The following EPS8 variants were observed in gnomAD, a reference collection of about 807,000 sequenced individuals.
EPS8 encodes the protein EGFR pathway substrate 8, signaling adaptor, also known as epidermal growth factor receptor kinase substrate 8.
EPS8 carries 42 observed loss-of-function variants against 103.8 expected under a neutral mutation model. The ratio of observed to expected loss-of-function variants is 0.40; its 90% CI spans 0.32 to 0.52. The LOEUF (loss-of-function observed/expected upper bound fraction) is 0.52, where lower values mean the gene tolerates loss of function less well. Ranked by LOEUF, EPS8 falls within the 20% of genes least tolerant of loss-of-function variation. EPS8 has a pLI of 0.40. For synonymous variants in EPS8, 344 were observed against 344.6 expected (o/e 1.00, Z 0.02); for missense variants, 969 against 1,005.1 (o/e 0.96, Z 0.49).
rs529630170 is a variant in EPS8 at position 15,745,791 on chromosome 12, T to G, written c.-22+43370A>C. On this transcript the variant is annotated intron_variant, in intron 1 of 20. Transcript: ENST00000281172. This position sits in a 1 kb window ranked among gnomAD's most constrained non-coding sequence, Gnocchi z 4.6. ...TTTTAGTAGAAACATCAAGAGCTAT[T>G]ATATGTGGTTTCCCAGTACATGTAA... Among the ~76,000 whole-genome samples, 24 of 152,256 alleles carry G rather than the reference T, an allele frequency of 1.6e-4. No individual in the cohort carries two copies. The highest frequency in any genetic ancestry group is 5.5e-4 in the African/African-American group (23 of 41,568).
chr12:15,752,514 T>A lies in EPS8; in HGVS notation c.-22+36647A>T, dbSNP rs752823218. ...AAAGAGCTGGCCCCTCTAGCCTAAG[T>A]TGAGCCTTTTAGCAGGAGTGAAATA... On this transcript the variant is annotated intron_variant, in intron 1 of 20. Coordinates refer to ENST00000281172, the MANE Select transcript of EPS8 (RefSeq NM_004447.6). This position sits in a 1 kb window ranked among gnomAD's most constrained non-coding sequence, Gnocchi z 4.4. Among the ~76,000 whole-genome samples, 1 of 151,782 alleles carries A rather than the reference T, an allele frequency of 6.6e-6. No homozygotes were observed. Among genetic ancestry groups the A allele is most frequent in the Non-Finnish European group, 1.5e-5 (1 of 67,948 alleles).
intron 8 of EPS8, chr12:15,665,219 AAAAAAT>A (rs1383979664): frequency 6.6e-6 from 1 of 152,242 alleles, no homozygotes; most frequent in Admixed American, 6.5e-5. Flanking sequence ...CTTAGCATTA[AAAAAAT>A]AAAAAGACTC....
At chr12:15,653,998 C>T in intron 13 of EPS8, 147 bp downstream of exon 13, 1 of 697,320 alleles carries the variant, frequency 1.4e-6, no homozygotes, top group East Asian at 2.7e-5. Context: ...CTATCTCTTC[C>T]ACTAGACTTC....
chr12:15,763,519 C>A lies in EPS8; in HGVS notation c.-22+25642G>T, dbSNP rs11056637. ...GAGAGTTGACAGCAAGGCAATTTAC[C>A]ATCCTGCACCAGTGACTGTGCCAGC... is the stretch of plus-strand genomic sequence containing the variant. On this transcript the variant is annotated intron_variant, in intron 1 of 20. Transcript: ENST00000281172. Among the ~76,000 whole-genome samples, 171 of 152,228 alleles carry A rather than the reference C, an allele frequency of 1.1e-3. 2 individuals carry two copies. The East Asian group carries it at 0.031, about 27-fold the overall frequency.
chr12:15,662,548 T>G (rs1411855943), intron 8 of EPS8: 3 of 986,162 alleles, frequency 3.0e-6, no homozygotes, highest in African/African-American at 1.7e-5. Flanking sequence ...TTCGGAGTTC[T>G]GACAGCAGAG....
rs1184186481 is a variant in EPS8, at chr12:15,620,203, G to A, written c.*1114C>T. The A allele has an allele frequency of 2.6e-5, 4 of 152,564 alleles. No homozygotes were observed. The highest frequency in any genetic ancestry group is 9.7e-5 in the African/African-American group (4 of 41,438). 9.5% of individuals were successfully genotyped at this position (152,564 alleles called of 1,614,324 possible). On this transcript the variant is annotated 3_prime_UTR_variant, in exon 21 of 21. Transcript: ENST00000281172. ...ACTGTTTATTGCAGACTTTCCAGCT[G>A]ACTCATGTGAAAAAGGCACTATGAA...
rs764485109 is a variant in EPS8, at chr12:15,669,759, A to C, written c.271T>G (p.Leu91Val). Reference sequence around the variant, plus strand: ...TTGCCCTTGGCATCAAGCAATTTCAATTTCCTTATTCCATCATCAACAGTG... The same window carrying C: ...TTGCCCTTGGCATCAAGCAATTTCACTTTCCTTATTCCATCATCAACAGTG... ...MITVDDGIRK[L>V]KLLDAKGKVW... is the part of the protein sequence containing the mutation. The change falls in exon 5 of 21, where the codon TTG (leucine) becomes GTG (valine). Residue 91 changes from leucine (L) to valine (V), a missense_variant. Physicochemically the swap from Leu to Val is conservative, Grantham distance 32. Transcript: ENST00000281172. The C allele has an allele frequency of 3.1e-6, 5 of 1,613,782 alleles. No homozygotes were observed. The highest frequency in any genetic ancestry group is 3.4e-6 in the Non-Finnish European group (4 of 1,179,848).
intron 1 of EPS8, among the ~76,000 whole-genome samples, chr12:15,739,377 CT>C (rs926879889): frequency 1.3e-5 from 2 of 152,090 alleles, no homozygotes; most frequent in African/African-American, 4.8e-5. Context: ...TAAAACATTA[CT>C]TCTGGGTGTA....
rs180902369 is a variant in EPS8, at chr12:15,761,009, T to C, written c.-22+28152A>G. On this transcript the variant is annotated intron_variant, in intron 1 of 20. Transcript: ENST00000281172. The surrounding 1 kb of genome is among the most constrained non-coding windows in gnomAD (Gnocchi z 4.5). ...TGGAAAAGAAAAACCCAAATTATCC[T>C]TGTCTGCAGATGATATGATCTTATA... Among the ~76,000 whole-genome samples, 86 of 152,154 alleles carry C rather than the reference T, an allele frequency of 5.7e-4. No individual in the cohort carries two copies. The highest frequency in any genetic ancestry group is 8.7e-4 in the Non-Finnish European group (59 of 67,954).
intron 15 of EPS8, 22 bp downstream of exon 15, chr12:15,647,105 A>G (rs1358776181): frequency 1.2e-6 from 2 of 1,607,916 alleles, no homozygotes; most frequent in Admixed American, 1.7e-5. Flanking sequence ...CAGCTCTCCA[A>G]AGGGTGCCCA....
rs1314762275 is a variant in EPS8, at chr12:15,716,348, T to C, written c.-21-33376A>G. Reference sequence around the variant, plus strand: ...TATCAGTAAAGATGATAATGAAGTCTTATGAAAGGCTAATCTGGCACAGAC... The same window carrying C: ...TATCAGTAAAGATGATAATGAAGTCCTATGAAAGGCTAATCTGGCACAGAC... On this transcript the variant is annotated intron_variant, in intron 1 of 20. Transcript: ENST00000281172. This position sits in a 1 kb window ranked among gnomAD's most constrained non-coding sequence, Gnocchi z 5.0. Among the ~76,000 whole-genome samples the C allele has an allele frequency of 6.6e-6, 1 of 152,204 alleles. No individual in the cohort carries two copies. Among genetic ancestry groups the C allele is most frequent in the Middle Eastern group, 3.2e-3 (1 of 316 alleles).
chr12:15,716,028 G>C lies in EPS8; in HGVS notation c.-21-33056C>G, dbSNP rs1946530158. 6.6e-6 allele frequency among the ~76,000 whole-genome samples: 1 copy of C among 152,054 alleles called. No individual in the cohort carries two copies. The highest frequency in any genetic ancestry group is 6.5e-5 in the Admixed American group (1 of 15,274). ...AAATCAGTATTAAAAGTAGCAAGAA[G>C]AAAACCCTTCAAAACGAAGAATATA... On this transcript the variant is annotated intron_variant, in intron 1 of 20. Transcript: ENST00000281172. The surrounding 1 kb of genome is among the most constrained non-coding windows in gnomAD (Gnocchi z 5.0).
chr12:15,677,761 C>T (rs962778892), intron 3 of EPS8, among the ~76,000 whole-genome samples: 3 of 152,140 alleles, frequency 2.0e-5, no homozygotes, highest in African/African-American at 4.8e-5. Flanking sequence ...GTGTCTAATA[C>T]CCACCACTGT....
intron 1 of EPS8, among the ~76,000 whole-genome samples, chr12:15,770,115 T>A (rs1448571074): frequency 6.6e-6 from 1 of 151,686 alleles, no homozygotes; most frequent in Non-Finnish European, 1.5e-5. Flanking sequence ...ATTTCTGTAT[T>A]TTTTGTAGAG....
At chr12:15,770,688 T>C (rs757620962) in intron 1 of EPS8, among the ~76,000 whole-genome samples, 5 of 152,216 alleles carry the variant, frequency 3.3e-5, no homozygotes, top group Non-Finnish European at 5.9e-5. Flanking sequence ...AATGGGAACC[T>C]GAAAAACAGG....
rs1835364824 is a variant in EPS8 at position 15,749,536 on chromosome 12, A to T, written c.-22+39625T>A. ...AATAGAAAATAATCTCCTTACAAGA[A>T]AACACACGCCTTTTGTTTATCTTCT... On this transcript the variant is annotated intron_variant, in intron 1 of 20. Coordinates refer to ENST00000281172, the MANE Select transcript of EPS8 (RefSeq NM_004447.6). The surrounding 1 kb of genome is among the most constrained non-coding windows in gnomAD (Gnocchi z 4.0). Among the ~76,000 whole-genome samples, 1 of 152,204 alleles carries T rather than the reference A, an allele frequency of 6.6e-6. No individual in the cohort carries two copies. Among genetic ancestry groups the T allele is most frequent in the Non-Finnish European group, 1.5e-5 (1 of 68,042 alleles).
chr12:15,651,641 T>TA (rs1945417091), intron 13 of EPS8, among the ~76,000 whole-genome samples: 1 of 152,226 alleles, frequency 6.6e-6, no homozygotes, highest in Admixed American at 6.5e-5. Context: ...CTTATTTCTG[T>TA]AAGATCCTAA....
At chr12:15,763,225 G>A (rs1008332970) in intron 1 of EPS8, among the ~76,000 whole-genome samples, 2 of 152,114 alleles carry the variant, frequency 1.3e-5, no homozygotes, top group Non-Finnish European at 2.9e-5. Flanking sequence ...CTGGATAGGA[G>A]GGAAAATGAG....
rs869126438 is a variant in EPS8, at chr12:15,778,967, CTTTT to C, written c.-22+10190_-22+10193del. The stretch of plus-strand genomic sequence containing the variant: ...AACCAAGATTTTAAAATGTAACAGA[CTTTT>C]TCTTTCTTTCTTTCTTTCTTTTTGA... On this transcript the variant is annotated intron_variant, in intron 1 of 20. Transcript: ENST00000281172. The surrounding 1 kb of genome is among the most constrained non-coding windows in gnomAD (Gnocchi z 4.5). Among the ~76,000 whole-genome samples the C allele has an allele frequency of 1.0e-4, 1 of 9,648 alleles. No homozygotes were observed. Among genetic ancestry groups the C allele is most frequent in the Non-Finnish European group, 1.9e-4 (1 of 5,162 alleles). 6.3% of individuals were successfully genotyped at this position (9,648 alleles called of 152,430 possible).
Sources: gnomAD v4.1 joint callset for allele counts (sites outside exome capture counted in the v4.1 genomes callset) on GRCh38, gnomAD v4.1.1 for gene constraint, Gnocchi (gnomAD v3.1) non-coding constraint, MANE v1.5 for transcripts, NCBI Gene and HGNC (gene_info 2026-07-23, HGNC 2026-07-21) for gene names.